The following DOCK4 variants were observed in gnomAD, a reference collection of about 807,000 sequenced individuals.
DOCK4 encodes dedicator of cytokinesis protein 4.
Under a neutral mutation model 268.1 loss-of-function variants are expected in DOCK4, and 97 were observed. The observed-to-expected ratio is 0.36, with a 90% CI of 0.31 to 0.43. The LOEUF (loss-of-function observed/expected upper bound fraction) is 0.43, where lower values mean the gene tolerates loss of function less well. DOCK4 is among the 20% of genes least tolerant of loss of function. The pLI is 1.00. For missense variants in DOCK4, 2,145 were observed against 2,455.7 expected (o/e 0.87, Z 2.67); for synonymous variants, 954 against 887.2 (o/e 1.08, Z -1.34).
intron 25 of DOCK4, among the ~76,000 whole-genome samples, chr7:111,836,350 A>G (rs1317847518): frequency 6.6e-6 from 1 of 152,156 alleles, no homozygotes; most frequent in Non-Finnish European, 1.5e-5. Flanking sequence ...AAATTTCAAA[A>G]GCAAGACCTA....
chr7:112,125,806 TTTTTG>T (rs1292306043), intron 1 of DOCK4, among the ~76,000 whole-genome samples: 1 of 152,028 alleles, frequency 6.6e-6, no homozygotes, highest in Non-Finnish European at 1.5e-5. Flanking sequence ...CATCACTATT[TTTTTG>T]TTTTTTGTTT....
chr7:112,008,532 T>TA (rs1459786550), intron 1 of DOCK4, among the ~76,000 whole-genome samples: 6 of 152,140 alleles, frequency 3.9e-5, no homozygotes, highest in African/African-American at 1.4e-4. Flanking sequence ...ATGAGGAAGA[T>TA]AAAAAGAAGG....
At chr7:111,835,466 CAT>C (rs1037886767) in intron 25 of DOCK4, among the ~76,000 whole-genome samples, 4 of 152,132 alleles carry the variant, frequency 2.6e-5, no homozygotes, top group African/African-American at 9.7e-5. Flanking sequence ...AAAAAGTAAA[CAT>C]AGCATCTATG....
intron 30 of DOCK4, among the ~76,000 whole-genome samples, chr7:111,800,663 T>C (rs1220592847): frequency 6.6e-6 from 1 of 152,216 alleles, no homozygotes; most frequent in Non-Finnish European, 1.5e-5. Flanking sequence ...TTAAACTTTC[T>C]TGTAAAATTT....
At chr7:112,165,274 T>C (rs1262100994) in intron 1 of DOCK4, among the ~76,000 whole-genome samples, 2 of 152,130 alleles carry the variant, frequency 1.3e-5, no homozygotes, top group Non-Finnish European at 2.9e-5. Context: ...TTTGTGCATG[T>C]TTGTAACCTT....
At chr7:112,059,881 A>G (rs1806238884) in intron 1 of DOCK4, among the ~76,000 whole-genome samples, 1 of 152,236 alleles carries the variant, frequency 6.6e-6, no homozygotes, top group Non-Finnish European at 1.5e-5. Flanking sequence ...CTCAAAGTCT[A>G]TACAAACTCA....
chr7:111,934,508 T>C (rs1167671313), intron 12 of DOCK4, among the ~76,000 whole-genome samples: 1 of 147,456 alleles, frequency 6.8e-6, no homozygotes, highest in Non-Finnish European at 1.5e-5. Flanking sequence ...GCGAAGCATG[T>C]TTTGTTTTGT....
intron 1 of DOCK4, among the ~76,000 whole-genome samples, chr7:112,195,103 AC>A (rs1211587415): frequency 6.6e-6 from 1 of 152,138 alleles, no homozygotes; most frequent in Non-Finnish European, 1.5e-5. Context: ...ACATGGTGAA[AC>A]CCCATCTCTA....
chr7:112,098,189 C>CT lies in DOCK4; in HGVS notation c.38-94059dup, dbSNP rs1184526539. Among the ~76,000 whole-genome samples, 8 of 151,904 alleles carry CT rather than the reference C, an allele frequency of 5.3e-5. No homozygotes were observed. The South Asian group carries it at 1.5e-3, about 28-fold the overall frequency. ...CAATTTTTTATAAATTATTTATCTTCTTTTTTTTAGACAGAGTCTCACTCT... is the reference window on the plus strand; with the variant it reads ...CAATTTTTTATAAATTATTTATCTTCTTTTTTTTTAGACAGAGTCTCACTCT... On this transcript the variant is annotated intron_variant, in intron 1 of 52. Coordinates refer to ENST00000428084, the MANE Select transcript of DOCK4 (RefSeq NM_001363540.2).
chr7:111,731,859 A>AGTGT (rs552407724), intron 52 of DOCK4, among the ~76,000 whole-genome samples: 254 of 151,576 alleles, frequency 1.7e-3, no homozygotes, highest in South Asian at 6.1e-3. Context: ...TCTCAATCTA[A>AGTGT]GTGTGTGTGT....
At chr7:112,153,998 G>C (rs1305809505) in intron 1 of DOCK4, among the ~76,000 whole-genome samples, 1 of 152,090 alleles carries the variant, frequency 6.6e-6, no homozygotes, top group East Asian at 1.9e-4. Context: ...GTTAGACAGG[G>C]TCTCACTCTG....
chr7:111,846,875 C>T, intron 24 of DOCK4, 124 bp downstream of exon 24: 1 of 1,153,320 alleles, frequency 8.7e-7, no homozygotes, highest in Non-Finnish European at 1.2e-6. Context: ...AAGTCCAGCC[C>T]AGCTGGAAAT....
intron 10 of DOCK4, 52 bp downstream of exon 10, chr7:111,944,759 A>G (rs1235371119): frequency 2.6e-6 from 4 of 1,521,132 alleles, no homozygotes; most frequent in Non-Finnish European, 3.6e-6. Flanking sequence ...ACCTCTTGGC[A>G]TTTCTCCTCT....
Position 112,126,937 on chromosome 7 carries a change from T to C in DOCK4, c.37+79165A>G, listed in dbSNP as rs916461058. ...AGGTGCTGGAGAGGATGTGGAGAAATAGGAACACTTTTACACTGTTGGTGG... is the reference window on the plus strand; with the variant it reads ...AGGTGCTGGAGAGGATGTGGAGAAACAGGAACACTTTTACACTGTTGGTGG... On this transcript the variant is annotated intron_variant, in intron 1 of 52. Coordinates refer to ENST00000428084, the MANE Select transcript of DOCK4 (RefSeq NM_001363540.2). Among the ~76,000 whole-genome samples the C allele has an allele frequency of 5.1e-3, 767 of 151,856 alleles. 6 individuals are homozygous for C. The highest frequency in any genetic ancestry group is 0.017 in the African/African-American group (715 of 41,358).
At chr7:111,949,833 T>A (rs1795911618) in intron 8 of DOCK4, among the ~76,000 whole-genome samples, 1 of 152,218 alleles carries the variant, frequency 6.6e-6, no homozygotes, top group South Asian at 2.1e-4. Flanking sequence ...GGATTATTAT[T>A]ACTCACCCAC....
rs1043179087 is a variant in DOCK4, at chr7:111,954,829, G to A, written c.702-9031C>T. 9.9e-5 allele frequency among the ~76,000 whole-genome samples: 15 copies of A among 152,202 alleles called. No homozygotes were observed. The South Asian group carries it at 1.7e-3, about 17-fold the overall frequency. ...ACACTGCCTTGTGTTGTTTGTTGGC[G>A]TGCTCTCAGGGTTCGAACCGATACA... On this transcript the variant is annotated intron_variant, in intron 8 of 52. Transcript: ENST00000428084.
chr7:111,825,378 T>A (rs1802314110), intron 26 of DOCK4, among the ~76,000 whole-genome samples: 1 of 152,122 alleles, frequency 6.6e-6, no homozygotes. Flanking sequence ...TTCTTTAACA[T>A]TTCCCTCCCT....
At chr7:111,732,537 T>C (rs1325863427) in intron 51 of DOCK4, 20 of 537,118 alleles carry the variant, frequency 3.7e-5, no homozygotes, top group Admixed American at 2.6e-4. Context: ...GCTTTGACTA[T>C]TGACAGGTTC....
intron 1 of DOCK4, among the ~76,000 whole-genome samples, chr7:112,122,580 T>C (rs1299350543): frequency 1.3e-5 from 2 of 152,166 alleles, no homozygotes; most frequent in African/African-American, 4.8e-5. Context: ...CAAGACTGCC[T>C]CTTATAAACA....
Sources: gnomAD v4.1 joint callset for allele counts (sites outside exome capture counted in the v4.1 genomes callset) on GRCh38, gnomAD v4.1.1 for gene constraint, MANE v1.5 for transcripts, NCBI Gene and HGNC (gene_info 2026-07-23, HGNC 2026-07-21) for gene names.